Variants in ZNF25 observed in about 807,000 individuals in gnomAD.
ZNF25 encodes the protein zinc finger protein 25.
A neutral mutation model predicts 30.9 loss-of-function variants in ZNF25; 21 were observed. The observed-to-expected ratio is 0.68, with a 90% confidence interval of 0.48 to 0.98. ZNF25 has a LOEUF of 0.98. Ranked by LOEUF, ZNF25 falls within the 50% of genes least tolerant of loss-of-function variation. The pLI is 0.00. For synonymous variants in ZNF25, 169 were observed against 181.3 expected, an observed-to-expected ratio of 0.93 and a Z score of 0.55; for missense variants, 501 against 529.9, an observed-to-expected ratio of 0.95 and a Z score of 0.54.
Position 37,952,011 on chromosome 10 carries a change from A to G in ZNF25, c.*116T>C. 1.1e-6 allele frequency: 1 copy of G among 929,176 alleles called. No individual in the cohort carries two copies. The highest frequency in any genetic ancestry group is 1.9e-5 in the South Asian group (1 of 51,526). The allele number at this position is 929,176 out of a possible 1,614,324, so 57.6% of individuals were successfully genotyped here. On this transcript the variant is annotated 3_prime_UTR_variant, in exon 6 of 6. Coordinates refer to ENST00000302609, the MANE Select transcript of ZNF25 (RefSeq NM_145011.4). ...GTATTTGCTGATACACAGAGAGAGC[A>G]AAGATTGTAGCTGAAAATTTCCCTC...
chr10:37,974,800 AT>A (rs1266338399), intron 1 of ZNF25, among the ~76,000 whole-genome samples: 1 of 152,224 alleles, frequency 6.6e-6, no homozygotes, highest in Admixed American at 6.5e-5. Flanking sequence ...TATTGAAGAT[AT>A]CTCTGCACTC....
chr10:37,957,797 CACATAATG>C (rs1458155565), intron 2 of ZNF25, among the ~76,000 whole-genome samples: 1 of 152,126 alleles, frequency 6.6e-6, no homozygotes, highest in Non-Finnish European at 1.5e-5. Context: ...TGTCATATGC[CACATAATG>C]ACATTTCAGT....
rs1173353197 is a variant in ZNF25, at chr10:37,950,664, G to C, written c.*1463C>G. The C allele has an allele frequency of 6.6e-6, 1 of 151,394 alleles. No individual in the cohort carries two copies. Among genetic ancestry groups the C allele is most frequent in the Non-Finnish European group, 1.5e-5 (1 of 67,916 alleles). The allele number at this position is 151,394 out of a possible 1,614,324, so 9.4% of individuals were successfully genotyped here. On this transcript the variant is annotated 3_prime_UTR_variant, in exon 6 of 6. Transcript: ENST00000302609. Reference sequence around the variant, plus strand: ...TCTCAGACACTATTCTAAGTGCTTTGAAAATGTTAACTCATTTAGACCTCA... The same window carrying C: ...TCTCAGACACTATTCTAAGTGCTTTCAAAATGTTAACTCATTTAGACCTCA...
At chr10:37,972,258 C>T (rs1006236025) in intron 1 of ZNF25, among the ~76,000 whole-genome samples, 1 of 152,124 alleles carries the variant, frequency 6.6e-6, no homozygotes. Context: ...CATTTCTTCT[C>T]CCTAAATTGC....
chr10:37,972,458 T>C lies in ZNF25; in HGVS notation c.-85-651A>G, dbSNP rs116960477. On this transcript the variant is annotated intron_variant, in intron 1 of 5. Transcript: ENST00000302609. ...ACAACCCTTCATGTACCATTCTACTTCTATATATCTTCACCCAGGATCACC... is the reference window on the plus strand; with the variant it reads ...ACAACCCTTCATGTACCATTCTACTCCTATATATCTTCACCCAGGATCACC... 2.0e-3 allele frequency among the ~76,000 whole-genome samples: 302 copies of C among 152,254 alleles called. 1 individual carries two copies. Among genetic ancestry groups the C allele is most frequent in the Non-Finnish European group, 3.8e-3 (260 of 68,004 alleles).
intron 1 of ZNF25, among the ~76,000 whole-genome samples, chr10:37,972,486 T>C (rs2063544390): frequency 6.6e-6 from 1 of 152,132 alleles, no homozygotes; most frequent in South Asian, 2.1e-4. Context: ...GGATCACCAA[T>C]ACAGACAGTA....
rs1281260434 is a variant in ZNF25, at chr10:37,957,504, C to T, written c.58G>A (p.Glu20Lys). The change falls in exon 3 of 6, where the codon GAA (glutamate) becomes AAA (lysine). Residue 20 changes from glutamate (E) to lysine (K), a missense_variant. By Grantham distance (56) the Glu-to-Lys change is moderately conservative. Coordinates refer to ENST00000302609, the MANE Select transcript of ZNF25 (RefSeq NM_145011.4). ...LKDVIVEFTK[E>K]EWKLLTPAQR... ...GCAGGGGTCAGTAACTTCCATTCTT[C>T]CTTGGTGAATTCCACAATAACATCC... 1 of 1,613,852 alleles carries T rather than the reference C, an allele frequency of 6.2e-7. No homozygotes were observed. Among genetic ancestry groups the T allele is most frequent in the South Asian group, 1.1e-5 (1 of 91,024 alleles).
intron 3 of ZNF25, 50 bp from the exon 4 acceptor site, chr10:37,957,165 G>A: frequency 1.3e-6 from 2 of 1,548,126 alleles, no homozygotes; most frequent in South Asian, 1.1e-5. Context: ...TGGAATTTAG[G>A]GACTGTGAAA....
rs4007126 is a variant in ZNF25 at position 37,971,630 on chromosome 10, A to AACACACAC, written c.15+70_15+77dup. 1.8e-3 allele frequency: 2,492 copies of AACACACAC among 1,388,310 alleles called. 4 individuals are homozygous for AACACACAC. The East Asian group carries it at 0.018, about 10-fold the overall frequency. 86.0% of individuals were successfully genotyped at this position (1,388,310 alleles called of 1,614,324 possible). On this transcript the variant is annotated intron_variant, in intron 2 of 5. Transcript: ENST00000302609. Reference sequence around the variant, plus strand: ...GGGCTCTCGTTCATAAAACTCATTAAACACACACACACACACACACACACA... The same window carrying AACACACAC: ...GGGCTCTCGTTCATAAAACTCATTAAACACACACACACACACACACACACACACACACA...
In ZNF25 at chr10:37,957,035, G is replaced by A. The variant is rs2062574298; in HGVS notation, c.223C>T (p.His75Tyr). The stretch of plus-strand genomic sequence containing the variant: ...TCTAACTCACCAGGGAAGCCCCGAT[G>A]TGGAAATTCTACTTCTAATATCCAT... ...EPWILEVEFP[H>Y]RGFPEDLWSI... Residue 75 changes from histidine to tyrosine, a missense_variant, in exon 4 of 6, where the codon CAT (histidine) becomes TAT (tyrosine). Transcript: ENST00000302609. 1 of 1,613,852 alleles carries A rather than the reference G, an allele frequency of 6.2e-7. No individual in the cohort carries two copies. The highest frequency in any genetic ancestry group is 8.5e-7 in the Non-Finnish European group (1 of 1,179,888).
At chr10:37,975,387 C>CAA (rs11443634) in intron 1 of ZNF25, among the ~76,000 whole-genome samples, 14,674 of 148,552 alleles carry the variant, frequency 0.099, 785 homozygotes, top group Middle Eastern at 0.14. Context: ...CATTATGTAC[C>CAA]AAAAAAAAAA....
chr10:37,956,953 G>A, intron 4 of ZNF25, 67 bp downstream of exon 4: 2 of 924,562 alleles, frequency 2.2e-6, no homozygotes, highest in East Asian at 2.7e-5. Flanking sequence ...TTGCCGAAAA[G>A]TACTTCAGAA....
In ZNF25 at chr10:37,971,821, C is replaced by G; in HGVS notation, c.-85-14G>C. The G allele has an allele frequency of 6.5e-7, 1 of 1,535,886 alleles. No homozygotes were observed. The highest frequency in any genetic ancestry group is 9.0e-7 in the Non-Finnish European group (1 of 1,110,458). On this transcript the variant is annotated splice_polypyrimidine_tract_variant and intron_variant, in intron 1 of 5. Coordinates refer to ENST00000302609, the MANE Select transcript of ZNF25 (RefSeq NM_145011.4). ...CCCAGGAATCACCTGTGAGAAATTTCCATACAACATTTTAGTAAAATATAT... is the reference window on the plus strand; with the variant it reads ...CCCAGGAATCACCTGTGAGAAATTTGCATACAACATTTTAGTAAAATATAT...
chr10:37,957,090 T>A lies in ZNF25; in HGVS notation c.168A>T (p.Ala56=), dbSNP rs755153167. 4 of 1,614,010 alleles carry A rather than the reference T, an allele frequency of 2.5e-6. No homozygotes were observed. The highest frequency in any genetic ancestry group is 3.4e-6 in the Non-Finnish European group (4 of 1,180,014). Residue 56 remains alanine, a synonymous_variant, in exon 4 of 6, where the codon GCA becomes GCT. Coordinates refer to ENST00000302609, the MANE Select transcript of ZNF25 (RefSeq NM_145011.4). ...SVGYHVNKPN[A]VFKLKQGKEP... ...CTTTTCCTTGCTTCAACTTGAAGAC[T>A]GCATTTGGCTTATTCACATGGTAAC... is the stretch of plus-strand genomic sequence containing the variant.
Position 37,952,966 on chromosome 10 carries a change from C to T in ZNF25, c.532G>A (p.Glu178Lys), listed in dbSNP as rs1295433240. The T allele has an allele frequency of 6.2e-7, 1 of 1,614,134 alleles. No homozygotes were observed. Among genetic ancestry groups the T allele is most frequent in the Admixed American group, 1.7e-5 (1 of 60,020 alleles). ...HTRDKTYECK[E>K]CKKIFYHLSS... is the part of the protein sequence containing the mutation. ...AGGTGGTAAAATATTTTCTTACATT[C>T]TTTACACTCATAGGTTTTATCTCTC... Residue 178 changes from glutamate to lysine, a missense_variant, in exon 6 of 6, where the codon GAA becomes AAA. Coordinates refer to ENST00000302609, the MANE Select transcript of ZNF25 (RefSeq NM_145011.4).
At chr10:37,957,581 C>T (rs747665224) in intron 2 of ZNF25, 35 bp from the exon 3 acceptor site, 6 of 1,599,780 alleles carry the variant, frequency 3.8e-6, no homozygotes, top group African/African-American at 1.3e-5. Flanking sequence ...TTTGAAGTAA[C>T]CAGAATAGAT....
At chr10:37,975,809 C>A (rs2063776008) in intron 1 of ZNF25, among the ~76,000 whole-genome samples, 1 of 152,148 alleles carries the variant, frequency 6.6e-6, no homozygotes, top group Admixed American at 6.5e-5. Context: ...CACACAGCTA[C>A]GTTCTGGTGG....
chr10:37,974,845 A>G (rs1489012752), intron 1 of ZNF25, among the ~76,000 whole-genome samples: 1 of 152,218 alleles, frequency 6.6e-6, no homozygotes, highest in Non-Finnish European at 1.5e-5. Context: ...ACAATAGTCT[A>G]GATACAGAAT....
intron 2 of ZNF25, among the ~76,000 whole-genome samples, chr10:37,962,554 T>C (rs1361357557): frequency 6.6e-6 from 1 of 152,188 alleles, no homozygotes. Context: ...GAAACTTATC[T>C]GGAATGTCAT....
Sources: gnomAD v4.1 joint callset for allele counts (sites outside exome capture counted in the v4.1 genomes callset) on GRCh38, gnomAD v4.1.1 for gene constraint, MANE v1.5 for transcripts, NCBI Gene and HGNC (gene_info 2026-07-23, HGNC 2026-07-21) for gene names.